SEMA4A: variants seen among roughly 807,000 people sequenced by gnomAD.
The protein encoded by SEMA4A is semaphorin 4A, also known as semaphorin-4A.
SEMA4A carries 52 observed loss-of-function variants against 72.5 expected under a neutral mutation model. The ratio of observed to expected loss-of-function variants is 0.72; its 90% CI spans 0.57 to 0.90. SEMA4A has a LOEUF of 0.90. Among genes scored for constraint, SEMA4A ranks in the 40% least tolerant of loss-of-function variants. The pLI is 0.00. For synonymous variants in SEMA4A, 369 were observed against 393.1 expected (o/e 0.94, Z 0.73); for missense variants, 926 against 959.7 (o/e 0.96, Z 0.46).
intron 13 of SEMA4A, 40 bp downstream of exon 13, chr1:156,175,283 A>G (rs1261420251): frequency 1.9e-6 from 3 of 1,585,698 alleles, no homozygotes; most frequent in East Asian, 2.2e-5. Context: ...ATGGCCAGCC[A>G]GGACCCTTCT....
upstream of SEMA4A, among the ~76,000 whole-genome samples, chr1:156,149,561 G>A (rs192844577): frequency 1.5e-4 from 23 of 152,316 alleles, no homozygotes; most frequent in African/African-American, 5.5e-4. Flanking sequence ...TATTTGCATA[G>A]TTGCATAGAT....
chr1:156,164,810 A>T (rs1031390523), intron 10 of SEMA4A, among the ~76,000 whole-genome samples: 26 of 150,304 alleles, frequency 1.7e-4, no homozygotes, highest in Admixed American at 6.7e-4. Context: ...TTTTATTTTT[A>T]TTTTTTTTGA....
In SEMA4A at chr1:156,157,736, C is replaced by T. The variant is rs778080722; in HGVS notation, c.301-334C>T. On this transcript the variant is annotated intron_variant, in intron 3 of 14. Coordinates refer to ENST00000368285, the MANE Select transcript of SEMA4A (RefSeq NM_022367.4). The surrounding 1 kb of genome is among the most constrained non-coding windows in gnomAD (Gnocchi z 4.5). Reference sequence around the variant, plus strand: ...AACTGCTGCCATATATACCATTCATCGTGTTAGGTGTTTTGTATATGCCAC... The same window carrying T: ...AACTGCTGCCATATATACCATTCATTGTGTTAGGTGTTTTGTATATGCCAC... Among the ~76,000 whole-genome samples the T allele has an allele frequency of 1.3e-5, 2 of 152,152 alleles. No homozygotes were observed. Among genetic ancestry groups the T allele is most frequent in the Non-Finnish European group, 2.9e-5 (2 of 68,032 alleles).
chr1:156,175,466 T>A (rs1448746705), intron 13 of SEMA4A, 90 bp from the exon 14 acceptor site: 20 of 1,188,970 alleles, frequency 1.7e-5, no homozygotes, highest in Non-Finnish European at 2.5e-5. Context: ...CTGGCCTACC[T>A]TCTTCCCTAC....
chr1:156,161,303 T>TAGGGG lies in SEMA4A; in HGVS notation c.811-43_811-42insAGGGG. On this transcript the variant is annotated intron_variant, in intron 8 of 14. Coordinates refer to ENST00000368285, the MANE Select transcript of SEMA4A (RefSeq NM_022367.4). The stretch of plus-strand genomic sequence containing the variant: ...GGGGAGGACACGCGGGGCTGGGGGG[T>TAGGGG]CGGGGCGCCCGGGGCGCCCCCTGAC... 6.9e-6 allele frequency: 2 copies of TAGGGG among 289,178 alleles called. 1 individual carries two copies. The highest frequency in any genetic ancestry group is 8.8e-6 in the Non-Finnish European group (2 of 226,358). 17.9% of individuals were successfully genotyped at this position (289,178 alleles called of 1,614,324 possible). A position where few individuals can be genotyped will look rare whatever the true frequency, so the allele number is the denominator to read the frequency against.
At chr1:156,147,762 G>A (rs539222883), upstream of SEMA4A, among the ~76,000 whole-genome samples, 1 of 152,286 alleles carries the variant, frequency 6.6e-6, no homozygotes, top group African/African-American at 2.4e-5. Flanking sequence ...CACAGGTGGG[G>A]AAATTGAGGC....
chr1:156,176,089 G>C lies in SEMA4A; in HGVS notation c.1694-316G>C, dbSNP rs1655297116. 1.3e-5 allele frequency among the ~76,000 whole-genome samples: 2 copies of C among 152,098 alleles called. 1 individual carries two copies. Among genetic ancestry groups the C allele is most frequent in the Non-Finnish European group, 2.9e-5 (2 of 68,024 alleles). On this transcript the variant is annotated intron_variant, in intron 14 of 14. Coordinates refer to ENST00000368285, the MANE Select transcript of SEMA4A (RefSeq NM_022367.4). Reference sequence around the variant, plus strand: ...CCATTGTTTGAGCTCATGAGTTTCAGACCAGCCTGGCCAACATGGTAAAAC... The same window carrying C: ...CCATTGTTTGAGCTCATGAGTTTCACACCAGCCTGGCCAACATGGTAAAAC...
intron 1 of SEMA4A, 152 bp from the exon 2 acceptor site, chr1:156,154,398 G>A (rs1458753984): frequency 3.0e-6 from 2 of 674,894 alleles, no homozygotes; most frequent in Non-Finnish European, 5.1e-6. Flanking sequence ...ACCGTCTTAG[G>A]GCCCTTCCAG....
Position 156,177,604 on chromosome 1 carries a change from A to C in SEMA4A, c.*607A>C, listed in dbSNP as rs1270101117. The stretch of plus-strand genomic sequence containing the variant: ...CTCTGATCCCTTCTGCCCTGGCAGA[A>C]TGGCAGGGGTAATCTGAGCCTTCTT... On this transcript the variant is annotated 3_prime_UTR_variant, in exon 15 of 15. Transcript: ENST00000368285. The C allele has an allele frequency of 1.2e-5, 2 of 162,382 alleles. No individual in the cohort carries two copies. Among genetic ancestry groups the C allele is most frequent in the African/African-American group, 4.8e-5 (2 of 41,530 alleles). The allele number at this position is 162,382 out of a possible 1,614,324, so 10.1% of individuals were successfully genotyped here. A position where few individuals can be genotyped will look rare whatever the true frequency, so the allele number is the denominator to read the frequency against.
upstream of SEMA4A, among the ~76,000 whole-genome samples, chr1:156,147,884 C>T (rs1284116694): frequency 1.3e-5 from 2 of 152,230 alleles, no homozygotes; most frequent in African/African-American, 4.8e-5. Flanking sequence ...AACAGGAGGT[C>T]TGGGTGTCCA....
At chr1:156,155,539 G>A (rs1652931164) in intron 2 of SEMA4A, 1 of 152,778 alleles carries the variant, frequency 6.5e-6, no homozygotes, top group African/African-American at 2.4e-5. Flanking sequence ...GCAACTGAGG[G>A]GTTTATGGCA....
chr1:156,164,589 A>T (rs116778525), intron 10 of SEMA4A, among the ~76,000 whole-genome samples: 2,332 of 152,272 alleles, frequency 0.015, 68 homozygotes, highest in African/African-American at 0.054. Flanking sequence ...ACTTGGACCA[A>T]CATACAGTAA....
chr1:156,161,048 G>T lies in SEMA4A; in HGVS notation c.810+19G>T. The T allele has an allele frequency of 7.7e-7, 1 of 1,299,218 alleles. No individual in the cohort carries two copies. The highest frequency in any genetic ancestry group is 1.2e-5 in the South Asian group (1 of 84,240). The allele number at this position is 1,299,218 out of a possible 1,614,324, so 80.5% of individuals were successfully genotyped here. On this transcript the variant is annotated intron_variant, in intron 8 of 14. Coordinates refer to ENST00000368285, the MANE Select transcript of SEMA4A (RefSeq NM_022367.4). ...CTGCAAGGTCCGCGGCCTGGGCGGGGGGCGGGGCTAACTGGAGGAGAACCA... is the reference window on the plus strand; with the variant it reads ...CTGCAAGGTCCGCGGCCTGGGCGGGTGGCGGGGCTAACTGGAGGAGAACCA...
At position 156,172,750 on chromosome 1, in the gene SEMA4A, G is replaced by A; in HGVS notation, c.1135-76G>A. The A allele has an allele frequency of 1.5e-5, 20 of 1,346,938 alleles. No homozygotes were observed. The South Asian group carries it at 2.2e-4, about 15-fold the overall frequency. The allele number at this position is 1,346,938 out of a possible 1,614,324, so 83.4% of individuals were successfully genotyped here. ...TGCCATGAGGGAGGGGGTAAAGGGA[G>A]AAGAGCAGGCGTTGGAGGGAGGGTG... is the stretch of plus-strand genomic sequence containing the variant. On this transcript the variant is annotated intron_variant, in intron 10 of 14. Transcript: ENST00000368285.
rs775595294 is a variant in SEMA4A, at chr1:156,176,818, G to T, written c.2107G>T (p.Val703Leu). 4.3e-6 allele frequency: 7 copies of T among 1,614,026 alleles called. No individual in the cohort carries two copies. The African/African-American group carries it at 9.3e-5, about 22-fold the overall frequency. ...LVLSGALIIL[V>L]ASPLRALRAR... ...GCTTTCAGGAGCCCTCATCATCCTC[G>T]TGGCCTCCCCATTGAGAGCACTCCG... Residue 703 changes from valine (V) to leucine (L), a missense_variant, in exon 15 of 15, where the codon GTG becomes TTG. Transcript: ENST00000368285.
intron 4 of SEMA4A, 43 bp from the exon 5 acceptor site, chr1:156,158,345 T>G: frequency 6.6e-7 from 1 of 1,519,300 alleles, no homozygotes; most frequent in Non-Finnish European, 9.1e-7. Flanking sequence ...TCCAGCAATT[T>G]GAGTCAGGTG....
At chr1:156,152,455 A>T (rs544038182), upstream of SEMA4A, among the ~76,000 whole-genome samples, 305 of 152,280 alleles carry the variant, frequency 2.0e-3, 1 homozygote, top group Middle Eastern at 0.01. Flanking sequence ...TGGCTTCCCA[A>T]ATCTGAGCTG....
chr1:156,164,387 C>G (rs1653969168), intron 10 of SEMA4A, among the ~76,000 whole-genome samples: 1 of 152,182 alleles, frequency 6.6e-6, no homozygotes, highest in African/African-American at 2.4e-5. Context: ...GTTCCCCAAC[C>G]CCCACCTCCA....
At position 156,158,057 on chromosome 1, in the gene SEMA4A, T is replaced by G. The variant is rs1572393242; in HGVS notation, c.301-13T>G. The G allele has an allele frequency of 6.2e-7, 1 of 1,613,868 alleles. No individual in the cohort carries two copies. Among genetic ancestry groups the G allele is most frequent in the African/African-American group, 1.3e-5 (1 of 74,972 alleles). Reference sequence around the variant, plus strand: ...TTTCTTTTCATCTCGCCCTCCCAACTCCCCACTTTCAGATACCGTGGCCAG... The same window carrying G: ...TTTCTTTTCATCTCGCCCTCCCAACGCCCCACTTTCAGATACCGTGGCCAG... On this transcript the variant is annotated splice_polypyrimidine_tract_variant and intron_variant, in intron 3 of 14. Coordinates refer to ENST00000368285, the MANE Select transcript of SEMA4A (RefSeq NM_022367.4).
Sources: gnomAD v4.1 joint callset for allele counts (sites outside exome capture counted in the v4.1 genomes callset) on GRCh38, gnomAD v4.1.1 for gene constraint, Gnocchi (gnomAD v3.1) non-coding constraint, MANE v1.5 for transcripts, NCBI Gene and HGNC (gene_info 2026-07-23, HGNC 2026-07-21) for gene names.